MCTP1: variants seen among roughly 807,000 people sequenced by gnomAD.
MCTP1 encodes the protein multiple C2 and transmembrane domain-containing protein 1.
Under a neutral mutation model 120.6 loss-of-function variants are expected in MCTP1, and 69 were observed. That is an observed-to-expected ratio of 0.57 (90% CI 0.47 to 0.70). The LOEUF (loss-of-function observed/expected upper bound fraction) is 0.70. MCTP1 is among the 30% of genes least tolerant of loss of function. The pLI is 0.00. For missense variants in MCTP1, 1,203 were observed against 1,248.8 expected (o/e 0.96, Z 0.55); for synonymous variants, 529 against 493.1 (o/e 1.07, Z -0.96).
At chr5:95,263,861 C>G (rs1758673589) in intron 1 of MCTP1, among the ~76,000 whole-genome samples, 1 of 152,202 alleles carries the variant, frequency 6.6e-6, no homozygotes, top group Non-Finnish European at 1.5e-5. Context: ...TCTGCCTCCA[C>G]CTCTCTTCCC....
rs569316125 is a variant in MCTP1 at position 95,011,517 on chromosome 5, C to T, written c.838+5850G>A. ...GGGAGGGACCTGGTGGGAGGTGACT[C>T]GATCACGGGGGCAGTTTCCTCCATG... On this transcript the variant is annotated intron_variant, in intron 2 of 22. Coordinates refer to ENST00000515393, the MANE Select transcript of MCTP1 (RefSeq NM_024717.7). Among the ~76,000 whole-genome samples the T allele has an allele frequency of 1.6e-4, 24 of 152,132 alleles. 1 individual carries two copies. Among genetic ancestry groups the T allele is most frequent in the Non-Finnish European group, 2.8e-4 (19 of 68,004 alleles).
intron 2 of MCTP1, among the ~76,000 whole-genome samples, chr5:95,012,042 C>A (rs1017557062): frequency 1.3e-5 from 2 of 152,076 alleles, no homozygotes; most frequent in Admixed American, 6.6e-5. Context: ...GAAACCAATA[C>A]GTGGCCAAAT....
intron 1 of MCTP1, among the ~76,000 whole-genome samples, chr5:95,083,231 C>G (rs1207292111): frequency 6.6e-6 from 1 of 152,078 alleles, no homozygotes; most frequent in Non-Finnish European, 1.5e-5. Flanking sequence ...GAATTTCCAG[C>G]AAATACACTG....
intron 17 of MCTP1, among the ~76,000 whole-genome samples, chr5:94,833,600 T>C (rs1382143276): frequency 6.6e-6 from 1 of 152,226 alleles, no homozygotes; most frequent in Non-Finnish European, 1.5e-5. Flanking sequence ...ATTAGAGGCA[T>C]ACTAATATAT....
At chr5:95,105,587 C>G (rs1452056273) in intron 1 of MCTP1, among the ~76,000 whole-genome samples, 2 of 152,128 alleles carry the variant, frequency 1.3e-5, no homozygotes, top group East Asian at 3.9e-4. Flanking sequence ...AAGAGGATAT[C>G]ACATCTCTGT....
intron 2 of MCTP1, among the ~76,000 whole-genome samples, chr5:94,980,045 T>G (rs920604561): frequency 6.6e-6 from 1 of 152,128 alleles, no homozygotes; most frequent in Non-Finnish European, 1.5e-5. Flanking sequence ...GATCAACAGT[T>G]TACTCCAATA....
At chr5:94,903,146 T>C (rs1805947370) in intron 10 of MCTP1, among the ~76,000 whole-genome samples, 1 of 121,894 alleles carries the variant, frequency 8.2e-6, no homozygotes, top group Admixed American at 7.3e-5. Flanking sequence ...ACTCAATCAT[T>C]AGTAAAAAAA....
At chr5:94,833,564 T>C (rs76932312) in intron 17 of MCTP1, among the ~76,000 whole-genome samples, 1 of 152,224 alleles carries the variant, frequency 6.6e-6, no homozygotes, top group East Asian at 1.9e-4. Flanking sequence ...TTTTTAAGAA[T>C]GAAAACAAAG....
chr5:95,079,425 A>T (rs1216117287), intron 1 of MCTP1, among the ~76,000 whole-genome samples: 1 of 152,134 alleles, frequency 6.6e-6, no homozygotes, highest in Non-Finnish European at 1.5e-5. Flanking sequence ...GATTCTTCCC[A>T]CTGCACTCCT....
chr5:94,864,109 G>C (rs1449679193), intron 17 of MCTP1, among the ~76,000 whole-genome samples: 1 of 151,828 alleles, frequency 6.6e-6, no homozygotes, highest in African/African-American at 2.4e-5. Context: ...TGACACAAAA[G>C]GAACACATGA....
chr5:95,050,231 T>G (rs1404952853), intron 1 of MCTP1, among the ~76,000 whole-genome samples: 2 of 152,206 alleles, frequency 1.3e-5, no homozygotes, highest in African/African-American at 4.8e-5. Context: ...GAATATCCAG[T>G]GAAATTTGGA....
intron 1 of MCTP1, among the ~76,000 whole-genome samples, chr5:95,023,423 T>A (rs1260321688): frequency 6.6e-6 from 1 of 152,230 alleles, no homozygotes; most frequent in East Asian, 1.9e-4. Context: ...GAAGAGATTC[T>A]ATCAACTGAA....
chr5:94,987,889 G>A (rs752160530), intron 2 of MCTP1, among the ~76,000 whole-genome samples: 24 of 152,296 alleles, frequency 1.6e-4, no homozygotes, highest in Non-Finnish European at 2.9e-4. Context: ...TTTACACAAA[G>A]AGTTTGTGCG....
At chr5:95,090,031 T>C (rs1562134335) in intron 1 of MCTP1, among the ~76,000 whole-genome samples, 1 of 152,192 alleles carries the variant, frequency 6.6e-6, no homozygotes, top group Non-Finnish European at 1.5e-5. Flanking sequence ...AGGTCTCTTC[T>C]CATTCTTTCT....
At chr5:94,747,151 C>T (rs1767083360) in intron 19 of MCTP1, among the ~76,000 whole-genome samples, 1 of 152,090 alleles carries the variant, frequency 6.6e-6, no homozygotes, top group Admixed American at 6.6e-5. Context: ...GTGTGAACTG[C>T]CATCTTTTCT....
chr5:95,148,938 G>A lies in MCTP1; in HGVS notation c.721-131454C>T, dbSNP rs73777311. Among the ~76,000 whole-genome samples the A allele has an allele frequency of 6.7e-3, 1,016 of 152,240 alleles. 6 individuals carry two copies. The highest frequency in any genetic ancestry group is 0.023 in the African/African-American group (972 of 41,542). ...TGAATTTTTGCCTTAATTTTCACAGGCACTGTATACTGGCAAAATATTTTT... is the reference window on the plus strand; with the variant it reads ...TGAATTTTTGCCTTAATTTTCACAGACACTGTATACTGGCAAAATATTTTT... On this transcript the variant is annotated intron_variant, in intron 1 of 22. Transcript: ENST00000515393.
chr5:95,036,398 T>A (rs1334919679), intron 1 of MCTP1, among the ~76,000 whole-genome samples: 1 of 152,192 alleles, frequency 6.6e-6, no homozygotes, highest in Non-Finnish European at 1.5e-5. Context: ...CTTCTACTGC[T>A]TCTATGGATT....
chr5:95,002,514 A>T (rs1020572674), intron 2 of MCTP1, among the ~76,000 whole-genome samples: 5 of 152,210 alleles, frequency 3.3e-5, no homozygotes, highest in African/African-American at 7.2e-5. Flanking sequence ...TGTGACTCAG[A>T]TGTGAGACAT....
intron 1 of MCTP1, among the ~76,000 whole-genome samples, chr5:95,036,197 C>A (rs1424993980): frequency 1.3e-5 from 2 of 152,110 alleles, no homozygotes; most frequent in African/African-American, 4.8e-5. Context: ...ACCTTCCTTG[C>A]CATAAATGCT....
Sources: gnomAD v4.1 joint callset for allele counts (sites outside exome capture counted in the v4.1 genomes callset) on GRCh38, gnomAD v4.1.1 for gene constraint, MANE v1.5 for transcripts, NCBI Gene and HGNC (gene_info 2026-07-23, HGNC 2026-07-21) for gene names.